The following OSBPL3 variants were observed in gnomAD, a reference collection of about 807,000 sequenced individuals.
OSBPL3 encodes the protein oxysterol binding protein like 3, also known as oxysterol-binding protein-related protein 3.
OSBPL3 carries 65 observed loss-of-function variants against 120.1 expected under a neutral mutation model. The observed-to-expected ratio is 0.54, with a 90% confidence interval of 0.44 to 0.67. OSBPL3 has a LOEUF of 0.67. Ranked by LOEUF, OSBPL3 falls within the 30% of genes least tolerant of loss-of-function variation. The pLI is 0.00. For missense variants in OSBPL3, 1,004 were observed against 1,082.1 expected, an observed-to-expected ratio of 0.93 and a Z score of 1.01; for synonymous variants, 416 against 402.6, an observed-to-expected ratio of 1.03 and a Z score of -0.40.
At chr7:24,975,887 C>A (rs1481546540) in intron 1 of OSBPL3, among the ~76,000 whole-genome samples, 1 of 152,100 alleles carries the variant, frequency 6.6e-6, no homozygotes, top group Non-Finnish European at 1.5e-5. Flanking sequence ...GGTTTTCACA[C>A]GGAGAGAACA....
chr7:24,969,160 C>G (rs160), intron 1 of OSBPL3, among the ~76,000 whole-genome samples: 2 of 152,038 alleles, frequency 1.3e-5, no homozygotes, highest in Admixed American at 6.5e-5. Context: ...AACACTGTTA[C>G]CACATTTTGT....
At chr7:24,837,924 T>C (rs1043581002) in intron 14 of OSBPL3, among the ~76,000 whole-genome samples, 2 of 152,134 alleles carry the variant, frequency 1.3e-5, no homozygotes, top group East Asian at 1.9e-4. Flanking sequence ...AGCAACACTG[T>C]GGGGAAGAAA....
At position 24,815,210 on chromosome 7, in the gene OSBPL3, AG is replaced by A. The variant is rs748592367; in HGVS notation, c.2028-8del. The A allele has an allele frequency of 3.1e-6, 5 of 1,610,802 alleles. No individual in the cohort carries two copies. The highest frequency in any genetic ancestry group is 4.2e-6 in the Non-Finnish European group (5 of 1,178,936). The stretch of plus-strand genomic sequence containing the variant: ...CTCAAAATGATCCCCAAAACTAAAA[AG>A]AAGGAAAAAGTAGAAGTACCAATTT... On this transcript the variant is annotated splice_polypyrimidine_tract_variant and splice_region_variant and intron_variant, in intron 18 of 22. Transcript: ENST00000313367. This position sits in a 1 kb window ranked among gnomAD's most constrained non-coding sequence, Gnocchi z 5.1.
Position 24,947,373 on chromosome 7 carries a change from C to T in OSBPL3, c.-150+32513G>A, listed in dbSNP as rs1813851312. On this transcript the variant is annotated intron_variant, in intron 1 of 22. Transcript: ENST00000313367. The surrounding 1 kb of genome is among the most constrained non-coding windows in gnomAD (Gnocchi z 4.4). ...TCTTCCAGGTAGAGTTCAATGGCTA[C>T]AGAAGGAATCAGCTCACAGCATGTG... 6.6e-6 allele frequency among the ~76,000 whole-genome samples: 1 copy of T among 152,158 alleles called. No individual in the cohort carries two copies. Among genetic ancestry groups the T allele is most frequent in the African/African-American group, 2.4e-5 (1 of 41,442 alleles).
rs1228930168 is a variant in OSBPL3 at position 24,967,958 on chromosome 7, T to C, written c.-150+11928A>G. On this transcript the variant is annotated intron_variant, in intron 1 of 22. Transcript: ENST00000313367. The surrounding 1 kb of genome is among the most constrained non-coding windows in gnomAD (Gnocchi z 5.6). ...CTCATCTTCCTATTTTCCCCAGCAG[T>C]AGTCAATGGCACCATAAATAACACA... 1.3e-5 allele frequency among the ~76,000 whole-genome samples: 2 copies of C among 152,212 alleles called. No homozygotes were observed. Among genetic ancestry groups the C allele is most frequent in the Non-Finnish European group, 2.9e-5 (2 of 68,036 alleles).
chr7:24,950,880 C>T (rs1814346074), intron 1 of OSBPL3, among the ~76,000 whole-genome samples: 1 of 151,792 alleles, frequency 6.6e-6, no homozygotes, highest in African/African-American at 2.4e-5. Flanking sequence ...TGTTTAAAGT[C>T]AATGCTCAAC....
chr7:24,834,307 A>G lies in OSBPL3; in HGVS notation c.1746+179T>C. 1 of 1,451,574 alleles carries G rather than the reference A, an allele frequency of 6.9e-7. No homozygotes were observed. The highest frequency in any genetic ancestry group is 1.5e-5 in the South Asian group (1 of 64,714). The allele number at this position is 1,451,574 out of a possible 1,614,324, so 89.9% of individuals were successfully genotyped here. ...CCCAACCCCGTCTCCAAATCCTCAC[A>G]AGGTGACTGGAAACAGCCAGGCGGA... On this transcript the variant is annotated intron_variant, in intron 15 of 22. Transcript: ENST00000313367. The surrounding 1 kb of genome is among the most constrained non-coding windows in gnomAD (Gnocchi z 5.2).
intron 1 of OSBPL3, among the ~76,000 whole-genome samples, chr7:24,941,263 T>C (rs893470189): frequency 1.3e-5 from 2 of 152,220 alleles, no homozygotes; most frequent in Admixed American, 6.5e-5. Flanking sequence ...CTCCTCCTAA[T>C]TGGGTCTTAC....
rs1795146675 is a variant in OSBPL3 at position 24,821,622 on chromosome 7, G to A, written c.1885-1384C>T. Among the ~76,000 whole-genome samples, 1 of 152,160 alleles carries A rather than the reference G, an allele frequency of 6.6e-6. No individual in the cohort carries two copies. The highest frequency in any genetic ancestry group is 6.5e-5 in the Admixed American group (1 of 15,282). On this transcript the variant is annotated intron_variant, in intron 16 of 22. Transcript: ENST00000313367. The surrounding 1 kb of genome is among the most constrained non-coding windows in gnomAD (Gnocchi z 5.5). ...CATGGGATTACAGCCGTACCAGTGT[G>A]GGCCAAAGAAAGGTAGAGACAAAGA...
chr7:24,966,941 T>C lies in OSBPL3; in HGVS notation c.-150+12945A>G, dbSNP rs553097667. Among the ~76,000 whole-genome samples the C allele has an allele frequency of 6.6e-6, 1 of 152,322 alleles. No individual in the cohort carries two copies. The highest frequency in any genetic ancestry group is 2.1e-4 in the South Asian group (1 of 4,824). ...TGCTTATTCCCCATTCACAGTCTTC[T>C]GGAAAATATATGAAAAACATCCCCT... On this transcript the variant is annotated intron_variant, in intron 1 of 22. Coordinates refer to ENST00000313367, the MANE Select transcript of OSBPL3 (RefSeq NM_015550.4). This position sits in a 1 kb window ranked among gnomAD's most constrained non-coding sequence, Gnocchi z 4.8.
At chr7:24,810,145 T>A (rs1793596825) in intron 19 of OSBPL3, 194 bp from the exon 20 acceptor site, 3 of 575,008 alleles carry the variant, frequency 5.2e-6, no homozygotes, top group Non-Finnish European at 9.2e-6. Context: ...CAACATAGTG[T>A]CTTGAAACAT....
At chr7:24,924,667 T>G (rs112435091) in intron 1 of OSBPL3, among the ~76,000 whole-genome samples, 4 of 152,360 alleles carry the variant, frequency 2.6e-5, no homozygotes, top group African/African-American at 9.6e-5. Flanking sequence ...CCATACTTTC[T>G]GAGACAGCCA....
intron 1 of OSBPL3, among the ~76,000 whole-genome samples, chr7:24,931,230 T>A (rs2128466547): frequency 6.6e-6 from 1 of 152,252 alleles, no homozygotes; most frequent in South Asian, 2.1e-4. Context: ...TGGAAAAAAA[T>A]TCAGAACTAT....
rs1390498173 is a variant in OSBPL3, at chr7:24,798,607, C to T, written c.*1576G>A. The stretch of plus-strand genomic sequence containing the variant: ...CACGTGCAGATTCCAGAAGGCTACA[C>T]ATCCACTTTAAATAACTCTCCATTT... On this transcript the variant is annotated 3_prime_UTR_variant, in exon 23 of 23. Coordinates refer to ENST00000313367, the MANE Select transcript of OSBPL3 (RefSeq NM_015550.4). The surrounding 1 kb of genome is among the most constrained non-coding windows in gnomAD (Gnocchi z 4.6). 6.6e-6 allele frequency: 1 copy of T among 152,232 alleles called. No individual in the cohort carries two copies. Among genetic ancestry groups the T allele is most frequent in the Non-Finnish European group, 1.5e-5 (1 of 68,036 alleles). The allele number at this position is 152,232 out of a possible 1,614,324, so 9.4% of individuals were successfully genotyped here.
rs532003529 is a variant in OSBPL3, at chr7:24,804,582, T to A, written c.2445-145A>T. ...CCCCGCCCCAACCGTTTAATCCGTA[T>A]CTTGAAGTAGTCAGAGAAGATATTT... is the stretch of plus-strand genomic sequence containing the variant. On this transcript the variant is annotated intron_variant, in intron 21 of 22. Transcript: ENST00000313367. The surrounding 1 kb of genome is among the most constrained non-coding windows in gnomAD (Gnocchi z 5.4). 8 of 661,688 alleles carry A rather than the reference T, an allele frequency of 1.2e-5. No homozygotes were observed. Among genetic ancestry groups the A allele is most frequent in the Non-Finnish European group, 2.0e-5 (8 of 396,918 alleles). The allele number at this position is 661,688 out of a possible 1,614,324, so 41.0% of individuals were successfully genotyped here.
In OSBPL3 at chr7:24,946,258, C is replaced by T. The variant is rs1041950005; in HGVS notation, c.-150+33628G>A. Among the ~76,000 whole-genome samples, 3 of 152,092 alleles carry T rather than the reference C, an allele frequency of 2.0e-5. No individual in the cohort carries two copies. In the East Asian group the frequency reaches 5.8e-4, roughly 29 times the overall value. On this transcript the variant is annotated intron_variant, in intron 1 of 22. Transcript: ENST00000313367. The surrounding 1 kb of genome is among the most constrained non-coding windows in gnomAD (Gnocchi z 4.3). ...CAGTTAGCATGGTCAGAGCTAATGT[C>T]CCAAGAGAAGTAAGCAGAAATTGCA...
At chr7:24,908,891 A>G (rs11763600) in intron 1 of OSBPL3, among the ~76,000 whole-genome samples, 6,819 of 152,340 alleles carry the variant, frequency 0.045, 210 homozygotes, top group Middle Eastern at 0.065. Flanking sequence ...CTTGCCAAAC[A>G]CACTTGTCCT....
chr7:24,932,918 C>A lies in OSBPL3; in HGVS notation c.-149-40297G>T, dbSNP rs369652993. ...ACTCCAACTGGTCCCCGGGGACAGA[C>A]CCCCACTGTTCTGTAAGGCAGAATG... On this transcript the variant is annotated intron_variant, in intron 1 of 22. Transcript: ENST00000313367. The surrounding 1 kb of genome is among the most constrained non-coding windows in gnomAD (Gnocchi z 5.6). Among the ~76,000 whole-genome samples, 110 of 152,330 alleles carry A rather than the reference C, an allele frequency of 7.2e-4. No individual in the cohort carries two copies. Among genetic ancestry groups the A allele is most frequent in the African/African-American group, 2.6e-3 (107 of 41,562 alleles).
upstream of OSBPL3, among the ~76,000 whole-genome samples, chr7:24,980,632 T>C (rs1818234970): frequency 6.6e-6 from 1 of 151,832 alleles, no homozygotes; most frequent in East Asian, 1.9e-4. Flanking sequence ...GAACTCGACC[T>C]CCCGAGAAAG....
Sources: gnomAD v4.1 joint callset for allele counts (sites outside exome capture counted in the v4.1 genomes callset) on GRCh38, gnomAD v4.1.1 for gene constraint, Gnocchi (gnomAD v3.1) non-coding constraint, MANE v1.5 for transcripts, NCBI Gene and HGNC (gene_info 2026-07-23, HGNC 2026-07-21) for gene names.